The following YPEL5 variants were observed in gnomAD, a reference collection of about 807,000 sequenced individuals.
YPEL5 encodes protein yippee-like 5.
YPEL5 carries 1 observed loss-of-function variant against 10.5 expected under a neutral mutation model. The ratio of observed to expected loss-of-function variants is 0.10; its 90% confidence interval spans 0.03 to 0.45. The LOEUF is 0.45. Among genes scored for constraint, YPEL5 ranks in the 20% least tolerant of loss-of-function variants. The probability of loss-of-function intolerance (pLI) is 0.97; values close to 1 mark genes in which losing one functional copy is unlikely to be tolerated. For synonymous variants in YPEL5, 61 were observed against 56.6 expected (o/e 1.08, Z -0.35); for missense variants, 68 against 159.3 (o/e 0.43, Z 3.09).
At chr2:30,148,603 A>G (rs1442294868) in intron 1 of YPEL5, 1 of 152,240 alleles carries the variant, frequency 6.6e-6, no homozygotes, top group Non-Finnish European at 1.5e-5. Context: ...CTTAATCAAA[A>G]GTCGTGGACA....
rs564829155 is a variant in YPEL5 at position 30,156,252 on chromosome 2, A to G, written c.-24-376A>G. On this transcript the variant is annotated intron_variant, in intron 1 of 2. Transcript: ENST00000261353. ...CTGAAATTATACATGCTCAGAACGT[A>G]TACTTAACATTTATGCTAAACCTTT... is the stretch of plus-strand genomic sequence containing the variant. 2.3e-5 allele frequency: 4 copies of G among 175,582 alleles called. No homozygotes were observed. In the South Asian group the frequency reaches 5.2e-4, roughly 23 times the overall value. The allele number at this position is 175,582 out of a possible 1,614,324, so 10.9% of individuals were successfully genotyped here. A position where few individuals can be genotyped will look rare whatever the true frequency, so the allele number is the denominator to read the frequency against.
Position 30,158,923 on chromosome 2 carries a change from C to A in YPEL5, c.*80C>A. ...CTACTTACATACACTGTCACCTTAGCATCAGAGTCGGATTAATGAACTGCG... is the reference window on the plus strand; with the variant it reads ...CTACTTACATACACTGTCACCTTAGAATCAGAGTCGGATTAATGAACTGCG... On this transcript the variant is annotated 3_prime_UTR_variant, in exon 3 of 3. Transcript: ENST00000261353. 1.5e-6 allele frequency: 2 copies of A among 1,336,082 alleles called. No homozygotes were observed. Among genetic ancestry groups the A allele is most frequent in the Non-Finnish European group, 1.0e-6 (1 of 955,404 alleles). 82.8% of individuals were successfully genotyped at this position (1,336,082 alleles called of 1,614,324 possible). A position where few individuals can be genotyped will look rare whatever the true frequency, so the allele number is the denominator to read the frequency against.
chr2:30,147,895 C>T (rs994068332), intron 1 of YPEL5: 4 of 153,294 alleles, frequency 2.6e-5, no homozygotes, highest in Non-Finnish European at 5.9e-5. Context: ...TCCCGATTGG[C>T]CGGCTGGCGT....
intron 1 of YPEL5, among the ~76,000 whole-genome samples, chr2:30,154,838 A>T (rs1182161224): frequency 6.6e-6 from 1 of 152,158 alleles, no homozygotes; most frequent in African/African-American, 2.4e-5. Flanking sequence ...TCCTGTGTTC[A>T]AGCCATTCTC....
Position 30,158,893 on chromosome 2 carries a change from A to G in YPEL5, c.*50A>G, listed in dbSNP as rs1676157472. ...TCCCAGGTCTCCTTCACTGAAAACA[A>G]AAATCTACTTACATACACTGTCACC... On this transcript the variant is annotated 3_prime_UTR_variant, in exon 3 of 3. Transcript: ENST00000261353. 4 of 1,574,648 alleles carry G rather than the reference A, an allele frequency of 2.5e-6. No homozygotes were observed. The East Asian group carries it at 9.0e-5, about 35-fold the overall frequency.
chr2:30,152,572 G>A (rs922743043), intron 1 of YPEL5, among the ~76,000 whole-genome samples: 12 of 152,322 alleles, frequency 7.9e-5, no homozygotes, highest in African/African-American at 2.6e-4. Context: ...AAGCAGGAAG[G>A]GCTGATGGTA....
rs1453041868 is a variant in YPEL5 at position 30,157,596 on chromosome 2, T to G, written c.141+804T>G. Among the ~76,000 whole-genome samples, 4 of 152,228 alleles carry G rather than the reference T, an allele frequency of 2.6e-5. No homozygotes were observed. In the South Asian group the frequency reaches 8.3e-4, roughly 32 times the overall value. On this transcript the variant is annotated intron_variant, in intron 2 of 2. Transcript: ENST00000261353. ...AGTGTGTGCCCAGTCTGCCTGTCTC[T>G]CTAATTTCTGGCTTGCTTTCAAATT...
intron 1 of YPEL5, among the ~76,000 whole-genome samples, chr2:30,152,043 G>A (rs1284890075): frequency 6.6e-6 from 1 of 152,176 alleles, no homozygotes; most frequent in Non-Finnish European, 1.5e-5. Flanking sequence ...GCTAATGGAA[G>A]CATTCTAAAG....
At chr2:30,157,512 T>C (rs189796238) in intron 2 of YPEL5, among the ~76,000 whole-genome samples, 25 of 152,346 alleles carry the variant, frequency 1.6e-4, no homozygotes, top group Non-Finnish European at 7.4e-5. Flanking sequence ...CTCTAATTCA[T>C]GCTCACCAAT....
At chr2:30,153,397 C>T (rs1675902567) in intron 1 of YPEL5, among the ~76,000 whole-genome samples, 1 of 152,224 alleles carries the variant, frequency 6.6e-6, no homozygotes, top group South Asian at 2.1e-4. Flanking sequence ...AGGCAGCTCT[C>T]TGGGACCCTT....
At chr2:30,153,751 T>C (rs1244862970) in intron 1 of YPEL5, among the ~76,000 whole-genome samples, 1 of 152,240 alleles carries the variant, frequency 6.6e-6, no homozygotes, top group Non-Finnish European at 1.5e-5. Context: ...GTTCTATATG[T>C]ATAATTCTCT....
At chr2:30,158,491 G>A in intron 2 of YPEL5, 128 bp from the exon 3 acceptor site, 1 of 875,290 alleles carries the variant, frequency 1.1e-6, no homozygotes, top group Non-Finnish European at 1.8e-6. Context: ...GCGTATTATA[G>A]GTTTGACTAA....
chr2:30,158,985 C>T lies in YPEL5; in HGVS notation c.*142C>T. 1.3e-6 allele frequency: 1 copy of T among 756,466 alleles called. No homozygotes were observed. The highest frequency in any genetic ancestry group is 1.9e-5 in the South Asian group (1 of 52,090). The allele number at this position is 756,466 out of a possible 1,614,324, so 46.9% of individuals were successfully genotyped here. The stretch of plus-strand genomic sequence containing the variant: ...TGTGAGAATCTAAGATGGAACCTTT[C>T]TTTCTTTCTTTCTTTTTTTTTAAAT... On this transcript the variant is annotated 3_prime_UTR_variant, in exon 3 of 3. Transcript: ENST00000261353.
intron 1 of YPEL5, among the ~76,000 whole-genome samples, chr2:30,151,679 T>C (rs532327433): frequency 4.6e-5 from 7 of 152,160 alleles, no homozygotes; most frequent in Non-Finnish European, 1.0e-4. Flanking sequence ...GTAGGGAACA[T>C]CTTAAATAAA....
rs1051362053 is a variant in YPEL5, at chr2:30,160,514, A to G, written c.*1671A>G. ...CACTATGTGCATTTGCTGTCACAAT[A>G]AAGTATATTTTGTCTTGCATTGATG... On this transcript the variant is annotated 3_prime_UTR_variant, in exon 3 of 3. Transcript: ENST00000261353. 2 of 152,216 alleles carry G rather than the reference A, an allele frequency of 1.3e-5. No individual in the cohort carries two copies. The highest frequency in any genetic ancestry group is 4.8e-5 in the African/African-American group (2 of 41,450). 9.4% of individuals were successfully genotyped at this position (152,216 alleles called of 1,614,324 possible).
chr2:30,147,677 C>G (rs895041793), intron 1 of YPEL5: 1 of 152,400 alleles, frequency 6.6e-6, no homozygotes, highest in African/African-American at 2.4e-5. Context: ...CTCCCTTTGC[C>G]CCCTCCCCCC....
Position 30,159,827 on chromosome 2 carries a change from G to A in YPEL5, c.*984G>A, listed in dbSNP as rs185621694. ...ATGAAGCAACTTGTCTAAAAATACT[G>A]CTTTACAAAGCATTTCAGCCTTTCC... On this transcript the variant is annotated 3_prime_UTR_variant, in exon 3 of 3. Transcript: ENST00000261353. 101 of 152,372 alleles carry A rather than the reference G, an allele frequency of 6.6e-4. No individual in the cohort carries two copies. Among genetic ancestry groups the A allele is most frequent in the African/African-American group, 2.2e-3 (92 of 41,542 alleles). The allele number at this position is 152,372 out of a possible 1,614,324, so 9.4% of individuals were successfully genotyped here. A position where few individuals can be genotyped will look rare whatever the true frequency, so the allele number is the denominator to read the frequency against.
chr2:30,148,821 C>T (rs779085800), intron 1 of YPEL5, among the ~76,000 whole-genome samples: 3 of 152,150 alleles, frequency 2.0e-5, no homozygotes, highest in Non-Finnish European at 4.4e-5. Context: ...GTAATTAAAG[C>T]AGCTACTACC....
chr2:30,156,874 G>A, intron 2 of YPEL5, 82 bp downstream of exon 2: 10 of 1,500,012 alleles, frequency 6.7e-6, no homozygotes, highest in Non-Finnish European at 9.2e-6. Context: ...TCAGAGCTTA[G>A]AGATACCAGG....
Sources: allele counts gnomAD v4.1 joint callset (sites outside exome capture counted in the v4.1 genomes callset), GRCh38; gene constraint gnomAD v4.1.1; transcripts MANE v1.5; gene names NCBI Gene and HGNC (gene_info 2026-07-23, HGNC 2026-07-21).